Variants in KCNJ15 observed in about 807,000 individuals in gnomAD.
KCNJ15 encodes the protein ATP-sensitive inward rectifier potassium channel 15.
In KCNJ15, 14 loss-of-function variants were observed where a neutral mutation model predicts 23.0. That is an observed-to-expected ratio of 0.61 (90% CI 0.40 to 0.95). KCNJ15 has a LOEUF of 0.95. Ranked by LOEUF, KCNJ15 falls within the 40% of genes least tolerant of loss-of-function variation. The pLI is 0.00. For missense variants in KCNJ15, 388 were observed against 461.8 expected (o/e 0.84, Z 1.46); for synonymous variants, 185 against 183.2 (o/e 1.01, Z -0.08).
intron 1 of KCNJ15, among the ~76,000 whole-genome samples, chr21:38,242,637 A>G (rs1979089950): frequency 6.6e-6 from 1 of 152,044 alleles, no homozygotes; most frequent in Admixed American, 6.6e-5. Flanking sequence ...CACGCCCAGC[A>G]TCTCTCTTCT....
At chr21:38,276,826 A>T (rs573179772) in intron 1 of KCNJ15, among the ~76,000 whole-genome samples, 1 of 152,282 alleles carries the variant, frequency 6.6e-6, no homozygotes, top group East Asian at 1.9e-4. Flanking sequence ...TTGAAGTTTG[A>T]TCAAGGCATT....
Position 38,306,860 on chromosome 21 carries a change from A to G in KCNJ15, c.*6471A>G, listed in dbSNP as rs929430611. 2 of 152,240 alleles carry G rather than the reference A, an allele frequency of 1.3e-5. No individual in the cohort carries two copies. Among genetic ancestry groups the G allele is most frequent in the African/African-American group, 4.8e-5 (2 of 41,464 alleles). The allele number at this position is 152,240 out of a possible 1,614,324, so 9.4% of individuals were successfully genotyped here. On this transcript the variant is annotated 3_prime_UTR_variant, in exon 3 of 3. Transcript: ENST00000398938. ...AATGCTACTTAATGAAATTCATGGG[A>G]ATGTTATGGTGATGGAAATCCCAAA... is the stretch of plus-strand genomic sequence containing the variant.
intron 1 of KCNJ15, chr21:38,269,172 A>G (rs955823845): frequency 6.6e-6 from 1 of 152,250 alleles, no homozygotes; most frequent in African/African-American, 2.4e-5. Flanking sequence ...AATGACCAGA[A>G]TGATTCCTAA....
chr21:38,262,919 C>T (rs931594849), intron 1 of KCNJ15, among the ~76,000 whole-genome samples: 2 of 152,146 alleles, frequency 1.3e-5, no homozygotes, highest in Admixed American at 1.3e-4. Context: ...CTCAGGTGAT[C>T]CTCCCACCTC....
intron 1 of KCNJ15, among the ~76,000 whole-genome samples, chr21:38,269,404 G>T (rs1378987138): frequency 6.6e-6 from 1 of 152,116 alleles, no homozygotes; most frequent in Non-Finnish European, 1.5e-5. Flanking sequence ...CACTTGCTGG[G>T]TTTGCCTCTA....
At chr21:38,232,310 G>T (rs572095135) in intron 1 of KCNJ15, among the ~76,000 whole-genome samples, 1 of 151,182 alleles carries the variant, frequency 6.6e-6, no homozygotes, top group Non-Finnish European at 1.5e-5. Context: ...TTTAATTCTC[G>T]ATTTTAATAA....
chr21:38,304,148 G>A lies in KCNJ15; in HGVS notation c.*3759G>A, dbSNP rs1185216918. ...AAGTTTTAGGGTACATGTGCACAAC[G>A]TGCAGGTTTGTTACATATGTATACA... On this transcript the variant is annotated 3_prime_UTR_variant, in exon 3 of 3. Coordinates refer to ENST00000398938, the MANE Select transcript of KCNJ15 (RefSeq NM_170736.3). 1.3e-5 allele frequency: 2 copies of A among 149,494 alleles called. No individual in the cohort carries two copies. Among genetic ancestry groups the A allele is most frequent in the African/African-American group, 4.9e-5 (2 of 40,474 alleles). 9.3% of individuals were successfully genotyped at this position (149,494 alleles called of 1,614,324 possible). A position where few individuals can be genotyped will look rare whatever the true frequency, so the allele number is the denominator to read the frequency against.
chr21:38,237,794 A>T (rs188823778), intron 1 of KCNJ15, among the ~76,000 whole-genome samples: 1 of 152,340 alleles, frequency 6.6e-6, no homozygotes, highest in East Asian at 1.9e-4. Context: ...TTGAAGGAGC[A>T]AGAGGAAAAC....
chr21:38,263,232 G>T (rs1288851335), intron 1 of KCNJ15, among the ~76,000 whole-genome samples: 2 of 152,126 alleles, frequency 1.3e-5, no homozygotes, highest in African/African-American at 4.8e-5. Context: ...AACTCTCAGA[G>T]GCTGACCCTA....
intron 1 of KCNJ15, among the ~76,000 whole-genome samples, chr21:38,232,336 T>C (rs907885152): frequency 9.9e-5 from 15 of 151,822 alleles, no homozygotes; most frequent in Middle Eastern, 3.2e-3. Context: ...GTCTTCTCTC[T>C]TTTTTTCTTA....
At chr21:38,284,891 G>A (rs1265436836) in intron 1 of KCNJ15, among the ~76,000 whole-genome samples, 1 of 152,134 alleles carries the variant, frequency 6.6e-6, no homozygotes, top group East Asian at 1.9e-4. Flanking sequence ...TTTCTCCCCA[G>A]TTCTTCCCAC....
intron 1 of KCNJ15, among the ~76,000 whole-genome samples, chr21:38,289,832 C>T (rs1487979962): frequency 6.6e-6 from 1 of 152,174 alleles, no homozygotes; most frequent in East Asian, 1.9e-4. Flanking sequence ...CATCAGTGTT[C>T]CTGTTTTGCC....
Position 38,241,450 on chromosome 21 carries a change from C to T in KCNJ15, c.-398-15596C>T, listed in dbSNP as rs550834471. ...GGCCTGCTGGACACTCCCAGTCTGC[C>T]GGCGAATGGCAGAGGCCTGGGACAG... On this transcript the variant is annotated intron_variant, in intron 1 of 4. Transcript: ENST00000547341. 7.2e-5 allele frequency among the ~76,000 whole-genome samples: 11 copies of T among 152,280 alleles called. 1 individual carries two copies. Among genetic ancestry groups the T allele is most frequent in the African/African-American group, 2.4e-4 (10 of 41,566 alleles).
At chr21:38,261,969 G>A (rs928913427) in intron 1 of KCNJ15, among the ~76,000 whole-genome samples, 5 of 152,032 alleles carry the variant, frequency 3.3e-5, no homozygotes, top group Admixed American at 2.6e-4. Context: ...TCATTTCTTG[G>A]TAGAAATGCT....
intron 1 of KCNJ15, among the ~76,000 whole-genome samples, chr21:38,292,770 A>G (rs180854288): frequency 6.6e-6 from 1 of 152,238 alleles, no homozygotes; most frequent in Admixed American, 6.5e-5. Flanking sequence ...GGAGTTCCAG[A>G]CCAAGCTGGC....
At position 38,258,878 on chromosome 21, in the gene KCNJ15, T is replaced by C. The variant is rs189098149; in HGVS notation, c.-117+1693T>C. ...GGGGAAAGAGAGCGAGACCCCAGGC[T>C]GCACATGCCAGCAAACCTGAGAAGC... On this transcript the variant is annotated intron_variant, in intron 1 of 2. Coordinates refer to ENST00000398938, the MANE Select transcript of KCNJ15 (RefSeq NM_170736.3). 1.9e-4 allele frequency among the ~76,000 whole-genome samples: 29 copies of C among 152,236 alleles called. 1 individual carries two copies. The East Asian group carries it at 5.6e-3, about 29-fold the overall frequency.
intron 1 of KCNJ15, among the ~76,000 whole-genome samples, chr21:38,269,455 A>G (rs1981852909): frequency 6.6e-6 from 1 of 152,206 alleles, no homozygotes; most frequent in Non-Finnish European, 1.5e-5. Flanking sequence ...ATCCGAAATT[A>G]CCCTTGTCAT....
chr21:38,274,147 G>A (rs562334639), intron 1 of KCNJ15, among the ~76,000 whole-genome samples: 1 of 152,204 alleles, frequency 6.6e-6, no homozygotes. Context: ...CTTGCAGGCT[G>A]TTCCGCCTGG....
At chr21:38,263,784 C>A (rs1162211862) in intron 1 of KCNJ15, among the ~76,000 whole-genome samples, 3 of 152,164 alleles carry the variant, frequency 2.0e-5, no homozygotes, top group Non-Finnish European at 4.4e-5. Context: ...GACTGGCCAG[C>A]CTTCGGGATT....
Sources: allele counts gnomAD v4.1 joint callset (sites outside exome capture counted in the v4.1 genomes callset), GRCh38; gene constraint gnomAD v4.1.1; transcripts MANE v1.5; gene names NCBI Gene and HGNC (gene_info 2026-07-23, HGNC 2026-07-21).